RYR2: variants seen among roughly 807,000 people sequenced by gnomAD.
The protein encoded by RYR2 is ryanodine receptor 2, also known as cardiac muscle ryanodine receptor-calcium release channel.
Under a neutral mutation model 601.1 loss-of-function variants are expected in RYR2, and 227 were observed. The ratio of observed to expected loss-of-function variants is 0.38; its 90% CI spans 0.34 to 0.42. The LOEUF is 0.42. Among genes scored for constraint, RYR2 ranks in the 10% least tolerant of loss-of-function variants. The pLI, the probability that RYR2 is intolerant of heterozygous loss-of-function variation, is 1.00. For synonymous variants in RYR2, 2,223 were observed against 2,175.1 expected (o/e 1.02, Z -0.61); for missense variants, 4,646 against 6,156.5 (o/e 0.75, Z 8.21).
intron 29 of RYR2, among the ~76,000 whole-genome samples, chr1:237,584,657 T>TTTTTG (rs1553512580): frequency 0.049 from 6,628 of 135,582 alleles, 281 homozygotes; most frequent in East Asian, 0.13. Context: ...CTGTTTTTTT[T>TTTTTG]TTTTTTTTTT....
chr1:237,274,832 A>G (rs539592803), intron 2 of RYR2, among the ~76,000 whole-genome samples: 2 of 152,260 alleles, frequency 1.3e-5, no homozygotes, highest in South Asian at 4.1e-4. Context: ...ATAAACAGAT[A>G]CCACTGTGTT....
At chr1:237,248,132 T>C (rs1423349872) in intron 1 of RYR2, among the ~76,000 whole-genome samples, 3 of 151,888 alleles carry the variant, frequency 2.0e-5, no homozygotes, top group Non-Finnish European at 4.4e-5. Flanking sequence ...ATGAGCCGGG[T>C]GTGGTGGTGC....
At chr1:237,347,994 T>C (rs61832490) in intron 3 of RYR2, among the ~76,000 whole-genome samples, 1 of 152,294 alleles carries the variant, frequency 6.6e-6, no homozygotes, top group South Asian at 2.1e-4. Context: ...GAGTATTCAT[T>C]TGGGCAGAGA....
chr1:237,101,637 G>A (rs1558234780), intron 1 of RYR2, among the ~76,000 whole-genome samples: 1 of 152,160 alleles, frequency 6.6e-6, no homozygotes. Flanking sequence ...ATAGTACAAG[G>A]CAGAATCAGT....
At chr1:237,291,183 G>A (rs1325053027) in intron 2 of RYR2, among the ~76,000 whole-genome samples, 1 of 152,072 alleles carries the variant, frequency 6.6e-6, no homozygotes, top group African/African-American at 2.4e-5. Context: ...ATGAAAACAT[G>A]CACATACGTA....
intron 1 of RYR2, among the ~76,000 whole-genome samples, chr1:237,183,708 C>G (rs792553): frequency 0.96 from 145,765 of 152,252 alleles, 69,941 homozygotes; most frequent in Non-Finnish European, 0.99. Context: ...TCAAGAAACA[C>G]AGAGATGACT....
intron 80 of RYR2, among the ~76,000 whole-genome samples, chr1:237,755,293 T>G (rs761124944): frequency 5.3e-5 from 8 of 152,206 alleles, no homozygotes; most frequent in Non-Finnish European, 7.3e-5. Flanking sequence ...TTCTGTATTT[T>G]GGATGGAAAG....
chr1:237,622,662 G>A (rs528962870), intron 38 of RYR2, among the ~76,000 whole-genome samples: 1 of 152,272 alleles, frequency 6.6e-6, no homozygotes, highest in East Asian at 1.9e-4. Context: ...CACAAAACTT[G>A]AATTTGCTGT....
intron 1 of RYR2, among the ~76,000 whole-genome samples, chr1:237,047,053 A>G (rs531876403): frequency 6.6e-6 from 1 of 152,338 alleles, no homozygotes; most frequent in Admixed American, 6.5e-5. Context: ...CCTCTCTGAT[A>G]TTGCAGATAA....
chr1:237,109,122 T>C (rs1349699070), intron 1 of RYR2, among the ~76,000 whole-genome samples: 2 of 152,076 alleles, frequency 1.3e-5, no homozygotes, highest in East Asian at 3.9e-4. Context: ...CCTAACCATC[T>C]GTGTATATAT....
rs551844816 is a variant in RYR2, at chr1:237,632,692, G to A, written c.6556-886G>A. Among the ~76,000 whole-genome samples, 4 of 151,732 alleles carry A rather than the reference G, an allele frequency of 2.6e-5. 1 individual carries two copies. The South Asian group carries it at 6.2e-4, about 24-fold the overall frequency. On this transcript the variant is annotated intron_variant, in intron 42 of 104. Transcript: ENST00000366574. ...ATTACAGGCGTGAGCCACCACACTG[G>A]GCCTAAAGTGAACTTTTAAGTGACC...
At chr1:237,167,367 T>G (rs1394213166) in intron 1 of RYR2, among the ~76,000 whole-genome samples, 1 of 152,206 alleles carries the variant, frequency 6.6e-6, no homozygotes, top group Non-Finnish European at 1.5e-5. Context: ...TCACATCAAA[T>G]AGAGTAACGG....
chr1:237,217,934 G>A, intron 1 of RYR2, among the ~76,000 whole-genome samples: 1 of 152,096 alleles, frequency 6.6e-6, no homozygotes, highest in East Asian at 1.9e-4. Context: ...GGAGACAAGG[G>A]GATTAATAGC....
chr1:237,230,908 GAT>G (rs1341763344), intron 1 of RYR2, among the ~76,000 whole-genome samples: 1 of 126,092 alleles, frequency 7.9e-6, no homozygotes, highest in Non-Finnish European at 1.6e-5. Flanking sequence ...CAGCCTGGGT[GAT>G]AGAGAGAGAC....
intron 25 of RYR2, among the ~76,000 whole-genome samples, chr1:237,538,327 G>A (rs547266369): frequency 2.8e-4 from 41 of 145,522 alleles, no homozygotes; most frequent in African/African-American, 9.9e-4. Context: ...CCCAGGAGGC[G>A]GAACTTTCAG....
intron 20 of RYR2, among the ~76,000 whole-genome samples, chr1:237,498,872 T>A (rs1388820713): frequency 6.6e-6 from 1 of 152,222 alleles, no homozygotes; most frequent in African/African-American, 2.4e-5. Flanking sequence ...TTATTCATTT[T>A]TTTTAAATGG....
At chr1:237,414,779 A>G (rs1467241412) in intron 10 of RYR2, among the ~76,000 whole-genome samples, 1 of 152,098 alleles carries the variant, frequency 6.6e-6, no homozygotes, top group African/African-American at 2.4e-5. Context: ...TATCTCTCCA[A>G]TCTACTTGTA....
In RYR2 at chr1:237,781,550, T is replaced by C; in HGVS notation, c.11881-15T>C. On this transcript the variant is annotated splice_polypyrimidine_tract_variant and intron_variant, in intron 88 of 104. Coordinates refer to ENST00000366574, the MANE Select transcript of RYR2 (RefSeq NM_001035.3). ...TTTTCTTGTATTATCTCAAATGCAATGTTCATATTTTCAGGATTCCAGTCA... is the reference window on the plus strand; with the variant it reads ...TTTTCTTGTATTATCTCAAATGCAACGTTCATATTTTCAGGATTCCAGTCA... 1 of 1,313,180 alleles carries C rather than the reference T, an allele frequency of 7.6e-7. No individual in the cohort carries two copies. Among genetic ancestry groups the C allele is most frequent in the Non-Finnish European group, 1.1e-6 (1 of 920,752 alleles). The allele number at this position is 1,313,180 out of a possible 1,614,324, so 81.3% of individuals were successfully genotyped here.
chr1:237,205,221 G>T (rs1681671357), intron 1 of RYR2, among the ~76,000 whole-genome samples: 1 of 152,196 alleles, frequency 6.6e-6, no homozygotes, highest in Non-Finnish European at 1.5e-5. Flanking sequence ...ACGCTGGTTG[G>T]TGGGCCCTTG....
Sources: allele counts gnomAD v4.1 joint callset (sites outside exome capture counted in the v4.1 genomes callset), GRCh38; gene constraint gnomAD v4.1.1; transcripts MANE v1.5; gene names NCBI Gene and HGNC (gene_info 2026-07-23, HGNC 2026-07-21).